The following NRDE2 variants were observed in gnomAD, a reference collection of about 807,000 sequenced individuals.
The protein encoded by NRDE2 is nuclear exosome regulator NRDE2.
A neutral mutation model predicts 124.2 loss-of-function variants in NRDE2; 76 were observed. The observed-to-expected ratio is 0.61, with a 90% CI of 0.51 to 0.74. The LOEUF (loss-of-function observed/expected upper bound fraction) is 0.74, where lower values mean the gene tolerates loss of function less well. NRDE2 is among the 30% of genes least tolerant of loss of function. The pLI is 0.00. For synonymous variants in NRDE2, 489 were observed against 528.1 expected (o/e 0.93, Z 1.01); for missense variants, 1,314 against 1,417.3 (o/e 0.93, Z 1.17).
At position 90,331,921 on chromosome 14, in the gene NRDE2, T is replaced by G. The variant is rs776747491; in HGVS notation, c.-17A>C. The G allele has an allele frequency of 4.3e-6, 7 of 1,613,932 alleles. No individual in the cohort carries two copies. Among genetic ancestry groups the G allele is most frequent in the Non-Finnish European group, 5.9e-6 (7 of 1,179,994 alleles). The stretch of plus-strand genomic sequence containing the variant: ...CAGCGCCATGACCACAGGCCGTACC[T>G]CCGTTCTTCTCTATAGGGATGGCGC... On this transcript the variant is annotated 5_prime_UTR_variant, in exon 1 of 14. Transcript: ENST00000354366.
rs1419204990 is a variant in NRDE2 at position 90,275,574 on chromosome 14, A to G, written c.*2762T>C. 6.6e-6 allele frequency: 1 copy of G among 152,120 alleles called. No homozygotes were observed. Among genetic ancestry groups the G allele is most frequent in the African/African-American group, 2.4e-5 (1 of 41,402 alleles). 9.4% of individuals were successfully genotyped at this position (152,120 alleles called of 1,614,324 possible). A position where few individuals can be genotyped will look rare whatever the true frequency, so the allele number is the denominator to read the frequency against. Reference sequence around the variant, plus strand: ...AGGGTAGCGGGCTGAACTGCGCCCCACCCCAGCTGCTTCTCCAGTTTGCTT... The same window carrying G: ...AGGGTAGCGGGCTGAACTGCGCCCCGCCCCAGCTGCTTCTCCAGTTTGCTT... On this transcript the variant is annotated 3_prime_UTR_variant, in exon 14 of 14. Transcript: ENST00000354366.
In NRDE2 at chr14:90,270,252, G is replaced by C; in HGVS notation, c.*8084C>G. 6.2e-7 allele frequency: 1 copy of C among 1,613,614 alleles called. No individual in the cohort carries two copies. Among genetic ancestry groups the C allele is most frequent in the Non-Finnish European group, 8.5e-7 (1 of 1,179,820 alleles). ...CTGCCTGATGAAAAGACGAAGAAGC[G>C]CATCTTTCAGATTCACACAAGCAGG... is the stretch of plus-strand genomic sequence containing the variant. On this transcript the variant is annotated 3_prime_UTR_variant, in exon 14 of 14. Transcript: ENST00000354366.
At chr14:90,302,458 G>A (rs1884439403) in intron 6 of NRDE2, among the ~76,000 whole-genome samples, 1 of 152,134 alleles carries the variant, frequency 6.6e-6, no homozygotes, top group African/African-American at 2.4e-5. Flanking sequence ...GCAGTTAAGA[G>A]ACTTGCCTAT....
Position 90,272,036 on chromosome 14 carries a change from G to T in NRDE2, c.*6300C>A. On this transcript the variant is annotated 3_prime_UTR_variant, in exon 14 of 14. Coordinates refer to ENST00000354366, the MANE Select transcript of NRDE2 (RefSeq NM_017970.4). This position sits in a 1 kb window ranked among gnomAD's most constrained non-coding sequence, Gnocchi z 4.5. ...GCCTCCCGAGTAGCTAGGATTACAGGTGCCTGCCACCGTCCCTGGCTAACT... is the reference window on the plus strand; with the variant it reads ...GCCTCCCGAGTAGCTAGGATTACAGTTGCCTGCCACCGTCCCTGGCTAACT... 1 of 330,392 alleles carries T rather than the reference G, an allele frequency of 3.0e-6. No individual in the cohort carries two copies. The highest frequency in any genetic ancestry group is 5.8e-6 in the Non-Finnish European group (1 of 172,362). The allele number at this position is 330,392 out of a possible 1,614,324, so 20.5% of individuals were successfully genotyped here.
intron 1 of NRDE2, among the ~76,000 whole-genome samples, chr14:90,329,612 G>A (rs780064944): frequency 5.9e-5 from 9 of 151,940 alleles, no homozygotes; most frequent in South Asian, 4.2e-4. Flanking sequence ...CGAGGTGGGC[G>A]GATTATCTAA....
chr14:90,270,658 A>G lies in NRDE2; in HGVS notation c.*7678T>C. 4.1e-6 allele frequency: 1 copy of G among 241,024 alleles called. No homozygotes were observed. The allele number at this position is 241,024 out of a possible 1,614,324, so 14.9% of individuals were successfully genotyped here. On this transcript the variant is annotated 3_prime_UTR_variant, in exon 14 of 14. Coordinates refer to ENST00000354366, the MANE Select transcript of NRDE2 (RefSeq NM_017970.4). ...AAATGTAGCTGCTCAGTCCCAGGTC[A>G]GGGGAAGGGTATGTCCTGGGAGAAC...
In NRDE2 at chr14:90,302,801, A is replaced by G; in HGVS notation, c.1330T>C (p.Cys444Arg). ...TTAACAGCAGACAAAGTGCTCAAGC[A>G]TTTTCCATAAAGACTGTGAATTTTT... ...ISKIHSLYGK[C>R]LSTLSAVKDG... Residue 444 changes from cysteine (C) to arginine (R), a missense_variant, in exon 6 of 14, where the codon TGC becomes CGC. Cys to Arg is a radical substitution (Grantham distance 180, BLOSUM62 -3). Coordinates refer to ENST00000354366, the MANE Select transcript of NRDE2 (RefSeq NM_017970.4). 6.2e-7 allele frequency: 1 copy of G among 1,614,152 alleles called. No homozygotes were observed. Among genetic ancestry groups the G allele is most frequent in the South Asian group, 1.1e-5 (1 of 91,090 alleles).
intron 11 of NRDE2, 38 bp from the exon 12 acceptor site, chr14:90,286,530 C>G (rs1304267398): frequency 6.2e-7 from 1 of 1,600,544 alleles, no homozygotes; most frequent in East Asian, 2.2e-5. Context: ...GACACAAGCT[C>G]TCTCATCCTA....
At position 90,272,788 on chromosome 14, in the gene NRDE2, C is replaced by T. The variant is rs1271668422; in HGVS notation, c.*5548G>A. 3 of 161,372 alleles carry T rather than the reference C, an allele frequency of 1.9e-5. No homozygotes were observed. The highest frequency in any genetic ancestry group is 4.8e-5 in the African/African-American group (2 of 41,690). The allele number at this position is 161,372 out of a possible 1,614,324, so 10.0% of individuals were successfully genotyped here. A position where few individuals can be genotyped will look rare whatever the true frequency, so the allele number is the denominator to read the frequency against. The stretch of plus-strand genomic sequence containing the variant: ...TCACACCCCCAGAGCTGGCGTTCAA[C>T]GGTAATTACAGTGGGAAATGGTCAC... On this transcript the variant is annotated 3_prime_UTR_variant, in exon 14 of 14. Transcript: ENST00000354366. The surrounding 1 kb of genome is among the most constrained non-coding windows in gnomAD (Gnocchi z 4.5).
chr14:90,313,099 T>C (rs1884905640), intron 3 of NRDE2, among the ~76,000 whole-genome samples: 1 of 151,358 alleles, frequency 6.6e-6, no homozygotes, highest in African/African-American at 2.4e-5. Flanking sequence ...CCAACATCAC[T>C]TAGGCTTGGT....
chr14:90,297,566 A>T (rs368373545), intron 8 of NRDE2, among the ~76,000 whole-genome samples: 1 of 152,342 alleles, frequency 6.6e-6, no homozygotes, highest in East Asian at 1.9e-4. Flanking sequence ...AATAGTCCTA[A>T]AAAGGTATTT....
chr14:90,292,295 G>A (rs1892292021), intron 9 of NRDE2, among the ~76,000 whole-genome samples: 1 of 152,176 alleles, frequency 6.6e-6, no homozygotes, highest in African/African-American at 2.4e-5. Context: ...AGAGTGGGGT[G>A]GGGAAAGTGG....
At chr14:90,328,498 C>T (rs533170054) in intron 1 of NRDE2, among the ~76,000 whole-genome samples, 2 of 152,132 alleles carry the variant, frequency 1.3e-5, no homozygotes, top group South Asian at 2.1e-4. Flanking sequence ...TCATAAATGG[C>T]TGCAAAAATC....
At chr14:90,296,170 C>A (rs1176262299) in intron 8 of NRDE2, among the ~76,000 whole-genome samples, 4 of 152,008 alleles carry the variant, frequency 2.6e-5, no homozygotes, top group Admixed American at 2.6e-4. Flanking sequence ...CCAAACAAAA[C>A]CAAAAAACAA....
At position 90,271,117 on chromosome 14, in the gene NRDE2, T is replaced by C. The variant is rs559794323; in HGVS notation, c.*7219A>G. On this transcript the variant is annotated 3_prime_UTR_variant, in exon 14 of 14. Transcript: ENST00000354366. ...CAAGCCTTCAAAAAAGTTGCAACAA[T>C]AGCACAGTGATTTGCCAAGAGTTAA... 2.8e-4 allele frequency: 43 copies of C among 152,352 alleles called. No homozygotes were observed. The highest frequency in any genetic ancestry group is 9.9e-4 in the African/African-American group (41 of 41,592). The allele number at this position is 152,352 out of a possible 1,614,324, so 9.4% of individuals were successfully genotyped here. A position where few individuals can be genotyped will look rare whatever the true frequency, so the allele number is the denominator to read the frequency against.
At chr14:90,302,273 A>G (rs1345149728) in intron 6 of NRDE2, among the ~76,000 whole-genome samples, 2 of 152,198 alleles carry the variant, frequency 1.3e-5, no homozygotes, top group African/African-American at 4.8e-5. Context: ...GTCAAAATTA[A>G]TGTTCCAGGT....
chr14:90,274,838 A>ACACACACCCCCC lies in NRDE2; in HGVS notation c.*3497_*3498insGGGGGGTGTGTG, dbSNP rs1491397403. On this transcript the variant is annotated 3_prime_UTR_variant, in exon 14 of 14. Coordinates refer to ENST00000354366, the MANE Select transcript of NRDE2 (RefSeq NM_017970.4). ...CACACACACACACACACACACACACACCCCAATACATATGAATTGATCTGA... is the reference window on the plus strand; with the variant it reads ...CACACACACACACACACACACACACACACACACCCCCCCCCCAATACATATGAATTGATCTGA... 10 of 67,180 alleles carry ACACACACCCCCC rather than the reference A, an allele frequency of 1.5e-4. No homozygotes were observed. The highest frequency in any genetic ancestry group is 2.9e-4 in the Non-Finnish European group (9 of 31,316). The allele number at this position is 67,180 out of a possible 1,614,324, so 4.2% of individuals were successfully genotyped here.
rs931591371 is a variant in NRDE2, at chr14:90,277,877, C to T, written c.*459G>A. The T allele has an allele frequency of 1.9e-5, 3 of 160,186 alleles. No homozygotes were observed. Among genetic ancestry groups the T allele is most frequent in the African/African-American group, 7.2e-5 (3 of 41,714 alleles). The allele number at this position is 160,186 out of a possible 1,614,324, so 9.9% of individuals were successfully genotyped here. A position where few individuals can be genotyped will look rare whatever the true frequency, so the allele number is the denominator to read the frequency against. ...ACCAAGCGTTAACTGCGGGTCTCAA[C>T]ACAAGAGCAAAATCTCCTGCTCACC... is the stretch of plus-strand genomic sequence containing the variant. On this transcript the variant is annotated 3_prime_UTR_variant, in exon 14 of 14. Transcript: ENST00000354366.
rs1196888513 is a variant in NRDE2 at position 90,285,923 on chromosome 14, C to T, written c.3297+431G>A. ...GTGCTGGGACTACAGGCCTGAACCA[C>T]GGCACCCAACCTGAACCTTTTAATA... is the stretch of plus-strand genomic sequence containing the variant. On this transcript the variant is annotated intron_variant, in intron 12 of 13. Transcript: ENST00000354366. Among the ~76,000 whole-genome samples the T allele has an allele frequency of 2.6e-5, 4 of 152,174 alleles. No homozygotes were observed. The East Asian group carries it at 5.8e-4, about 22-fold the overall frequency.
Sources: gnomAD v4.1 joint callset for allele counts (sites outside exome capture counted in the v4.1 genomes callset) on GRCh38, gnomAD v4.1.1 for gene constraint, Gnocchi (gnomAD v3.1) non-coding constraint, MANE v1.5 for transcripts, NCBI Gene and HGNC (gene_info 2026-07-23, HGNC 2026-07-21) for gene names.